QTMAN: variants seen among roughly 807,000 people sequenced by gnomAD.
QTMAN encodes the protein queuosine-tRNA mannosyltransferase.
the QTMAN span, among the ~76,000 whole-genome samples, chr2:144,015,872 G>A: frequency 6.6e-6 from 1 of 152,166 alleles, no homozygotes; most frequent in East Asian, 1.9e-4. Context: ...TAATTTCTCT[G>A]AACCTCAGTT....
chr2:144,078,969 A>G, the QTMAN span, among the ~76,000 whole-genome samples: 2 of 152,146 alleles, frequency 1.3e-5, no homozygotes, highest in Non-Finnish European at 2.9e-5. Context: ...TGATTTGTAC[A>G]GGATATATTC....
chr2:144,247,826 C>T, the QTMAN span, among the ~76,000 whole-genome samples: 7 of 152,160 alleles, frequency 4.6e-5, no homozygotes, highest in South Asian at 2.1e-4. Context: ...TACAGGCACA[C>T]GCCACCACAC....
the QTMAN span, among the ~76,000 whole-genome samples, chr2:144,272,296 T>C: frequency 1.3e-5 from 2 of 152,196 alleles, no homozygotes; most frequent in African/African-American, 4.8e-5. Context: ...TGGGTTTTAA[T>C]TTAAAATACT....
At chr2:144,139,949 G>C in the QTMAN span, among the ~76,000 whole-genome samples, 4 of 151,950 alleles carry the variant, frequency 2.6e-5, no homozygotes, top group Admixed American at 6.6e-5. Context: ...AAAGATACAA[G>C]CATTCAAAAA....
the QTMAN span, among the ~76,000 whole-genome samples, chr2:144,331,342 A>G: frequency 1.3e-5 from 2 of 152,282 alleles, no homozygotes; most frequent in East Asian, 3.9e-4. Context: ...ATTGAATTGT[A>G]CTGAACTTCT....
At chr2:144,051,167 T>C in the QTMAN span, among the ~76,000 whole-genome samples, 1 of 152,170 alleles carries the variant, frequency 6.6e-6, no homozygotes, top group Non-Finnish European at 1.5e-5. Flanking sequence ...AGTTAAGATA[T>C]ATATGCATAT....
chr2:143,986,276 T>A, the QTMAN span, among the ~76,000 whole-genome samples: 1 of 152,244 alleles, frequency 6.6e-6, no homozygotes, highest in South Asian at 2.1e-4. Context: ...CTCGTCAGAA[T>A]TTTTGGCCTC....
chr2:144,221,647 T>C, the QTMAN span, among the ~76,000 whole-genome samples: 1 of 152,182 alleles, frequency 6.6e-6, no homozygotes, highest in South Asian at 2.1e-4. Context: ...ACATTTTTCT[T>C]AACTTTAGGG....
At chr2:144,177,266 A>C in the QTMAN span, 1 of 662,136 alleles carries the variant, frequency 1.5e-6, no homozygotes, top group East Asian at 2.7e-5. Flanking sequence ...AAAAAAAAAA[A>C]CATTGTTTTT....
chr2:144,156,403 G>C, the QTMAN span, among the ~76,000 whole-genome samples: 30 of 152,204 alleles, frequency 2.0e-4, no homozygotes, highest in South Asian at 5.4e-3. Flanking sequence ...AAATGTTTGA[G>C]AGAGAGTGAA....
chr2:144,152,763 T>A, the QTMAN span, among the ~76,000 whole-genome samples: 1 of 152,164 alleles, frequency 6.6e-6, no homozygotes, highest in East Asian at 1.9e-4. Context: ...GACTTGGCAA[T>A]TTAAGAAGTA....
chr2:144,206,078 TTAA>T, the QTMAN span, among the ~76,000 whole-genome samples: 20 of 152,194 alleles, frequency 1.3e-4, no homozygotes, highest in Non-Finnish European at 2.4e-4. Context: ...ATTTATTCTT[TTAA>T]TAATAAAATA....
At chr2:144,225,738 T>G in the QTMAN span, among the ~76,000 whole-genome samples, 3 of 152,212 alleles carry the variant, frequency 2.0e-5, no homozygotes. Flanking sequence ...CTTAGTCAAT[T>G]ACTCACCCAT....
At chr2:144,280,646 C>T in the QTMAN span, among the ~76,000 whole-genome samples, 1 of 152,054 alleles carries the variant, frequency 6.6e-6, no homozygotes, top group Non-Finnish European at 1.5e-5. Flanking sequence ...AATAACTCTA[C>T]AAACTGGAAA....
chr2:144,190,394 G>A, the QTMAN span, among the ~76,000 whole-genome samples: 1 of 152,294 alleles, frequency 6.6e-6, no homozygotes, highest in East Asian at 1.9e-4. Flanking sequence ...GGACTATCCT[G>A]AGGAAAGGAC....
chr2:143,954,911 C>T, the QTMAN span, among the ~76,000 whole-genome samples: 1 of 152,028 alleles, frequency 6.6e-6, no homozygotes, highest in Non-Finnish European at 1.5e-5. Flanking sequence ...AATCATCTGC[C>T]AAATCTATGA....
At chr2:144,163,339 C>T in the QTMAN span, among the ~76,000 whole-genome samples, 1 of 151,686 alleles carries the variant, frequency 6.6e-6, no homozygotes, top group Admixed American at 6.6e-5. Context: ...GTAAGCATGC[C>T]TATTACCTTT....
the QTMAN span, among the ~76,000 whole-genome samples, chr2:144,159,757 A>G: frequency 1.3e-4 from 20 of 152,110 alleles, no homozygotes; most frequent in Admixed American, 1.3e-3. Context: ...TACAGAAATA[A>G]AAGTGGTCAA....
the QTMAN span, among the ~76,000 whole-genome samples, chr2:144,005,217 T>C: frequency 1.7e-4 from 26 of 152,200 alleles, no homozygotes; most frequent in East Asian, 4.6e-3. Context: ...ATTAAAAAGA[T>C]ATATCTATAT....
Sources: gnomAD v4.1 joint callset for allele counts (sites outside exome capture counted in the v4.1 genomes callset) on GRCh38, gnomAD v4.1.1 for gene constraint, MANE v1.5 for transcripts, NCBI Gene and HGNC (gene_info 2026-07-23, HGNC 2026-07-21) for gene names.